CTNNA3: variants seen among roughly 807,000 people sequenced by gnomAD.
The protein encoded by CTNNA3 is catenin alpha 3, also known as catenin alpha-3.
In CTNNA3, 76 loss-of-function variants were observed where a neutral mutation model predicts 95.7. The ratio of observed to expected loss-of-function variants is 0.79; its 90% confidence interval spans 0.66 to 0.96. The LOEUF (loss-of-function observed/expected upper bound fraction) is 0.96. CTNNA3 is among the 40% of genes least tolerant of loss of function. The pLI, the probability that CTNNA3 is intolerant of heterozygous loss-of-function variation, is 0.00. For synonymous variants in CTNNA3, 431 were observed against 374.4 expected, an observed-to-expected ratio of 1.15 and a Z score of -1.74; for missense variants, 1,191 against 1,089.8, an observed-to-expected ratio of 1.09 and a Z score of -1.31.
chr10:66,764,885 C>T (rs770492785), intron 9 of CTNNA3, among the ~76,000 whole-genome samples: 4 of 152,152 alleles, frequency 2.6e-5, no homozygotes, highest in Non-Finnish European at 5.9e-5. Context: ...ATGTCAATGA[C>T]TATGAAGAGG....
intron 5 of CTNNA3, among the ~76,000 whole-genome samples, chr10:67,496,602 G>C (rs1399700198): frequency 6.6e-6 from 1 of 152,116 alleles, no homozygotes; most frequent in East Asian, 1.9e-4. Context: ...TTTCATATAG[G>C]TAACTGAATA....
At position 66,435,711 on chromosome 10, in the gene CTNNA3, C is replaced by T. The variant is rs74663180; in HGVS notation, c.1532-56359G>A. On this transcript the variant is annotated intron_variant, in intron 11 of 17. Transcript: ENST00000433211. Reference sequence around the variant, plus strand: ...TGCTCTGATCTTAGTTATTTCTTGTCTCCTGTTAGCTTTTGAATTTGTTTG... The same window carrying T: ...TGCTCTGATCTTAGTTATTTCTTGTTTCCTGTTAGCTTTTGAATTTGTTTG... Among the ~76,000 whole-genome samples, 2,763 of 152,212 alleles carry T rather than the reference C, an allele frequency of 0.018. 199 individuals are homozygous for T. The East Asian group carries it at 0.24, about 13-fold the overall frequency.
chr10:67,684,023 A>G (rs1374775216), intron 1 of CTNNA3, among the ~76,000 whole-genome samples: 1 of 152,238 alleles, frequency 6.6e-6, no homozygotes, highest in African/African-American at 2.4e-5. Flanking sequence ...AAAAGAACAA[A>G]GCTTCCACAG....
chr10:67,448,509 G>A (rs1846840449), intron 5 of CTNNA3, among the ~76,000 whole-genome samples: 1 of 151,952 alleles, frequency 6.6e-6, no homozygotes. Context: ...AAAATAGAAA[G>A]AACTTATTCA....
At chr10:67,605,515 C>A in intron 3 of CTNNA3, among the ~76,000 whole-genome samples, 1 of 152,074 alleles carries the variant, frequency 6.6e-6, no homozygotes, top group East Asian at 1.9e-4. Flanking sequence ...GATTTAGATG[C>A]TCTTGCTACA....
intron 5 of CTNNA3, among the ~76,000 whole-genome samples, chr10:67,333,928 TG>T (rs1841889104): frequency 6.6e-6 from 1 of 152,160 alleles, no homozygotes; most frequent in South Asian, 2.1e-4. Context: ...GTGTCATGGG[TG>T]ATTTGCTAAG....
At chr10:66,065,122 G>T (rs2080286175) in intron 15 of CTNNA3, among the ~76,000 whole-genome samples, 1 of 152,088 alleles carries the variant, frequency 6.6e-6, no homozygotes, top group Non-Finnish European at 1.5e-5. Flanking sequence ...GACTAGTTGG[G>T]GAAAGTCTTT....
chr10:67,414,741 A>G (rs1470146924), intron 5 of CTNNA3, among the ~76,000 whole-genome samples: 1 of 152,200 alleles, frequency 6.6e-6, no homozygotes, highest in Non-Finnish European at 1.5e-5. Flanking sequence ...ACCACAATCA[A>G]GTAGGCTTTA....
At chr10:66,138,297 C>G (rs1428484471) in intron 13 of CTNNA3, among the ~76,000 whole-genome samples, 1 of 152,122 alleles carries the variant, frequency 6.6e-6, no homozygotes, top group Non-Finnish European at 1.5e-5. Flanking sequence ...TCTATATTAT[C>G]TCAATGCCTC....
At chr10:66,503,053 G>C (rs1840332906) in intron 11 of CTNNA3, among the ~76,000 whole-genome samples, 2 of 152,126 alleles carry the variant, frequency 1.3e-5, no homozygotes, top group Non-Finnish European at 2.9e-5. Context: ...TTGAACAAAA[G>C]TGCTCCTTAA....
In CTNNA3 at chr10:66,971,039, C is replaced by T. The variant is rs556526991; in HGVS notation, c.1048-195515G>A. 1.4e-4 allele frequency among the ~76,000 whole-genome samples: 22 copies of T among 152,140 alleles called. No individual in the cohort carries two copies. In the South Asian group the frequency reaches 4.6e-3, roughly 32 times the overall value. ...TTTCTATGAGTATTTGCATTATTTG[C>T]TCTTTTTCCCCTTTGAATCATCTTA... On this transcript the variant is annotated intron_variant, in intron 7 of 17. Coordinates refer to ENST00000433211, the MANE Select transcript of CTNNA3 (RefSeq NM_013266.4).
At chr10:66,779,170 G>A (rs568164481) in intron 7 of CTNNA3, among the ~76,000 whole-genome samples, 1 of 152,150 alleles carries the variant, frequency 6.6e-6, no homozygotes, top group African/African-American at 2.4e-5. Flanking sequence ...TGTGTTCAAA[G>A]CCTCATATAA....
chr10:66,121,473 C>T (rs1564667917), intron 13 of CTNNA3, among the ~76,000 whole-genome samples: 1 of 152,056 alleles, frequency 6.6e-6, no homozygotes, highest in South Asian at 2.1e-4. Context: ...TACATACACA[C>T]ACACACACAC....
At chr10:67,731,788 A>G (rs1428600117) in intron 1 of CTNNA3, among the ~76,000 whole-genome samples, 1 of 150,090 alleles carries the variant, frequency 6.7e-6, no homozygotes, top group Non-Finnish European at 1.5e-5. Flanking sequence ...GGCAACGTGC[A>G]AGACTCCGTC....
intron 5 of CTNNA3, among the ~76,000 whole-genome samples, chr10:67,261,057 T>C (rs1866588758): frequency 6.6e-6 from 1 of 152,180 alleles, no homozygotes; most frequent in South Asian, 2.1e-4. Context: ...AAAGCCTCAG[T>C]GGTCATTCAT....
chr10:67,162,779 G>A (rs1861606040), intron 7 of CTNNA3, among the ~76,000 whole-genome samples: 1 of 151,496 alleles, frequency 6.6e-6, no homozygotes, highest in African/African-American at 2.4e-5. Context: ...TAAAAGAGAA[G>A]ATACAAATTT....
intron 6 of CTNNA3, among the ~76,000 whole-genome samples, chr10:67,189,283 C>T (rs1008788201): frequency 2.6e-5 from 4 of 152,032 alleles, no homozygotes; most frequent in East Asian, 1.9e-4. Context: ...GAATCTAACT[C>T]GGACACAGAG....
intron 6 of CTNNA3, among the ~76,000 whole-genome samples, chr10:67,196,245 T>A (rs1863364988): frequency 6.6e-6 from 1 of 152,042 alleles, no homozygotes. Context: ...TAAAAAAAAT[T>A]TTAAGAAGGC....
intron 7 of CTNNA3, among the ~76,000 whole-genome samples, chr10:67,044,188 T>A (rs970470577): frequency 6.6e-6 from 1 of 152,062 alleles, no homozygotes; most frequent in African/African-American, 2.4e-5. Context: ...AGTGAGAACA[T>A]GTAATATTAA....
Sources: allele counts gnomAD v4.1 joint callset (sites outside exome capture counted in the v4.1 genomes callset), GRCh38; gene constraint gnomAD v4.1.1; transcripts MANE v1.5; gene names NCBI Gene and HGNC (gene_info 2026-07-23, HGNC 2026-07-21).